RRP1: variants seen among roughly 807,000 people sequenced by gnomAD.
The protein encoded by RRP1 is ribosomal RNA processing protein 1 homolog A.
In RRP1, 37 loss-of-function variants were observed where a neutral mutation model predicts 54.6. The ratio of observed to expected loss-of-function variants is 0.68; its 90% CI spans 0.52 to 0.89. The LOEUF is 0.89. Among genes scored for constraint, RRP1 ranks in the 40% least tolerant of loss-of-function variants. The pLI, the probability that RRP1 is intolerant of heterozygous loss-of-function variation, is 0.00. For synonymous variants in RRP1, 262 were observed against 244.3 expected, an observed-to-expected ratio of 1.07 and a Z score of -0.67; for missense variants, 639 against 612.5, an observed-to-expected ratio of 1.04 and a Z score of -0.46.
intron 4 of RRP1, 70 bp from the exon 5 acceptor site, chr21:43,795,119 A>C: frequency 7.2e-7 from 1 of 1,392,266 alleles, no homozygotes; most frequent in Non-Finnish European, 1.0e-6. Context: ...GGATGGTGGT[A>C]CATGGGGATG....
In RRP1 at chr21:43,795,086, C is replaced by T. The variant is rs374785556; in HGVS notation, c.361-103C>T. ...GTGCTGGGGCCGGCAGAGGTCACCA[C>T]GGCCATGACTTTATCCTGCAGCGGA... On this transcript the variant is annotated intron_variant, in intron 4 of 12. Coordinates refer to ENST00000497547, the MANE Select transcript of RRP1 (RefSeq NM_003683.6). 3,468 of 1,136,662 alleles carry T rather than the reference C, an allele frequency of 3.1e-3. 102 individuals are homozygous for T. The South Asian group carries it at 0.041, about 13-fold the overall frequency. The allele number at this position is 1,136,662 out of a possible 1,614,324, so 70.4% of individuals were successfully genotyped here.
At chr21:43,798,156 T>C in intron 8 of RRP1, 56 bp downstream of exon 8, 7 of 1,462,694 alleles carry the variant, frequency 4.8e-6, no homozygotes, top group Non-Finnish European at 6.4e-6. Context: ...GCTGAGCCAG[T>C]GCGATCTCCT....
chr21:43,797,847 G>C, intron 7 of RRP1, 60 bp from the exon 8 acceptor site: 1 of 1,579,570 alleles, frequency 6.3e-7, no homozygotes, highest in Non-Finnish European at 8.6e-7. Flanking sequence ...GGAGTCGGCG[G>C]CTTCCGCTTG....
chr21:43,801,313 A>G (rs2085087649), intron 11 of RRP1, among the ~76,000 whole-genome samples: 2 of 152,172 alleles, frequency 1.3e-5, no homozygotes, highest in Non-Finnish European at 2.9e-5. Context: ...AAAGTTTCAG[A>G]CCTGCAACTC....
In RRP1 at chr21:43,805,243, T is replaced by G. The variant is rs1414275225; in HGVS notation, c.*1469T>G. On this transcript the variant is annotated 3_prime_UTR_variant, in exon 13 of 13. Coordinates refer to ENST00000497547, the MANE Select transcript of RRP1 (RefSeq NM_003683.6). ...GTGAGCTAAGATCACGCCATTGCACTCCAGCCTGGGCAACGAGAGGGAAAC... is the reference window on the plus strand; with the variant it reads ...GTGAGCTAAGATCACGCCATTGCACGCCAGCCTGGGCAACGAGAGGGAAAC... 1 of 142,088 alleles carries G rather than the reference T, an allele frequency of 7.0e-6. No individual in the cohort carries two copies. Among genetic ancestry groups the G allele is most frequent in the Non-Finnish European group, 1.5e-5 (1 of 66,510 alleles). 8.8% of individuals were successfully genotyped at this position (142,088 alleles called of 1,614,324 possible).
At position 43,803,843 on chromosome 21, in the gene RRP1, G is replaced by A. The variant is rs1465080481; in HGVS notation, c.*69G>A. 4.8e-6 allele frequency: 7 copies of A among 1,471,740 alleles called. No homozygotes were observed. Among genetic ancestry groups the A allele is most frequent in the South Asian group, 1.4e-5 (1 of 71,220 alleles). The allele number at this position is 1,471,740 out of a possible 1,614,324, so 91.2% of individuals were successfully genotyped here. A position where few individuals can be genotyped will look rare whatever the true frequency, so the allele number is the denominator to read the frequency against. On this transcript the variant is annotated 3_prime_UTR_variant, in exon 13 of 13. Coordinates refer to ENST00000497547, the MANE Select transcript of RRP1 (RefSeq NM_003683.6). ...CTTGCACCGCGGGACGAGGCTGACC[G>A]GGCTGTTCTGTAGACTCAGGACCGT...
chr21:43,800,551 A>G lies in RRP1; in HGVS notation c.926A>G (p.Glu309Gly), dbSNP rs1318004786. The stretch of plus-strand genomic sequence containing the variant: ...GAGGCAGTTGCTAACAGACTGTTTG[A>G]AATGGCCAGCCGCCAGAGCACCCCT... ...DYEAVANRLF[E>G]MASRQSTPSQ... Residue 309 changes from glutamate to glycine, a missense_variant, in exon 10 of 13, where the codon GAA (glutamate) becomes GGA (glycine). Transcript: ENST00000497547. 6.2e-7 allele frequency: 1 copy of G among 1,614,248 alleles called. No individual in the cohort carries two copies. Among genetic ancestry groups the G allele is most frequent in the East Asian group, 2.2e-5 (1 of 44,888 alleles).
chr21:43,792,623 G>A (rs763073490), intron 2 of RRP1, 49 bp from the exon 3 acceptor site: 4 of 1,591,204 alleles, frequency 2.5e-6, no homozygotes, highest in Admixed American at 3.3e-5. Context: ...GTCATTGTGA[G>A]AGCCTGGTGC....
chr21:43,800,977 G>C, intron 11 of RRP1, 96 bp downstream of exon 11: 1 of 1,326,686 alleles, frequency 7.5e-7, no homozygotes, highest in Non-Finnish European at 1.1e-6. Context: ...ATAGCACGTG[G>C]AGTCTCTTTG....
intron 1 of RRP1, 191 bp from the exon 2 acceptor site, chr21:43,791,159 G>A (rs897394043): frequency 1.1e-5 from 7 of 655,124 alleles, no homozygotes; most frequent in Admixed American, 2.1e-5. Flanking sequence ...TGGAGTAGCC[G>A]CATAGCCACA....
chr21:43,795,065 T>C, intron 4 of RRP1, 124 bp from the exon 5 acceptor site: 3 of 886,808 alleles, frequency 3.4e-6, no homozygotes, highest in East Asian at 4.9e-5. Context: ...GGCTGTGTGC[T>C]GGGGCCGGCA....
chr21:43,800,449 G>A, intron 9 of RRP1, 68 bp from the exon 10 acceptor site: 1 of 1,473,560 alleles, frequency 6.8e-7, no homozygotes, highest in Non-Finnish European at 9.5e-7. Flanking sequence ...GGTCTCAGGG[G>A]TTCCACGTTC....
chr21:43,791,398 A>G lies in RRP1; in HGVS notation c.182A>G (p.Tyr61Cys). 1 of 1,613,976 alleles carries G rather than the reference A, an allele frequency of 6.2e-7. No homozygotes were observed. The highest frequency in any genetic ancestry group is 8.5e-7 in the Non-Finnish European group (1 of 1,179,960). The change falls in exon 2 of 13, where the codon TAT becomes TGT. Residue 61 changes from tyrosine (Y) to cysteine (C), a missense_variant. Physicochemically the swap from Tyr to Cys is radical, Grantham distance 194 (BLOSUM62 -2). Coordinates refer to ENST00000497547, the MANE Select transcript of RRP1 (RefSeq NM_003683.6). ...ELLKVWKGLFYCMWMQDKPLL... is the reference protein window; with the variant it reads ...ELLKVWKGLFCCMWMQDKPLL... Reference sequence around the variant, plus strand: ...CTGAAGGTGTGGAAAGGACTGTTTTATTGCATGTGGATGCAGGACAAGCCA... The same window carrying G: ...CTGAAGGTGTGGAAAGGACTGTTTTGTTGCATGTGGATGCAGGACAAGCCA...
In RRP1 at chr21:43,789,671, T is replaced by C; in HGVS notation, c.42T>C (p.Ala14=). 4 of 1,576,330 alleles carry C rather than the reference T, an allele frequency of 2.5e-6. No homozygotes were observed. The highest frequency in any genetic ancestry group is 2.4e-5 in the East Asian group (1 of 42,002). The change falls in exon 1 of 13, where the codon GCT becomes GCC. Residue 14 remains alanine (A), a synonymous_variant. Transcript: ENST00000497547. ...RVQLPPEIQL[A]QRLAGNEQVT... ...AGCTCCCGCCTGAGATCCAGCTGGCTCAGCGCCTGGCGGGGAATGAGCAGG... is the reference window on the plus strand; with the variant it reads ...AGCTCCCGCCTGAGATCCAGCTGGCCCAGCGCCTGGCGGGGAATGAGCAGG...
intron 12 of RRP1, among the ~76,000 whole-genome samples, chr21:43,803,006 C>T (rs983586755): frequency 6.6e-6 from 1 of 152,226 alleles, no homozygotes; most frequent in Non-Finnish European, 1.5e-5. Context: ...TGGCTTTGCC[C>T]CACACTGGGA....
intron 5 of RRP1, among the ~76,000 whole-genome samples, chr21:43,795,757 GC>G (rs2085012918): frequency 6.6e-6 from 1 of 152,114 alleles, no homozygotes; most frequent in Non-Finnish European, 1.5e-5. Flanking sequence ...CTGTCCTGTT[GC>G]CCAGGCTTGT....
chr21:43,793,451 C>T lies in RRP1; in HGVS notation c.360+47C>T, dbSNP rs760127612. 164 of 1,530,824 alleles carry T rather than the reference C, an allele frequency of 1.1e-4. No homozygotes were observed. The South Asian group carries it at 1.7e-3, about 16-fold the overall frequency. The allele number at this position is 1,530,824 out of a possible 1,614,324, so 94.8% of individuals were successfully genotyped here. A position where few individuals can be genotyped will look rare whatever the true frequency, so the allele number is the denominator to read the frequency against. ...CGGCGGGCGGGGGCAGCGCGGGTCT[C>T]AGTGCCTGGCCAAGCGAGACAGGCG... is the stretch of plus-strand genomic sequence containing the variant. On this transcript the variant is annotated intron_variant, in intron 4 of 12. Coordinates refer to ENST00000497547, the MANE Select transcript of RRP1 (RefSeq NM_003683.6).
At chr21:43,799,461 TGTGCCC>T in intron 8 of RRP1, 103 bp from the exon 9 acceptor site, 3 of 1,162,194 alleles carry the variant, frequency 2.6e-6, no homozygotes, top group Non-Finnish European at 3.8e-6. Flanking sequence ...GTTTCCCGCC[TGTGCCC>T]GTGCTCCGAC....
At chr21:43,795,732 TGGTAGA>T (rs1393323141) in intron 5 of RRP1, among the ~76,000 whole-genome samples, 2 of 152,230 alleles carry the variant, frequency 1.3e-5, no homozygotes, top group Admixed American at 1.3e-4. Context: ...TATCTTTTTT[TGGTAGA>T]GACGAGTTCT....
Sources: allele counts gnomAD v4.1 joint callset (sites outside exome capture counted in the v4.1 genomes callset), GRCh38; gene constraint gnomAD v4.1.1; transcripts MANE v1.5; gene names NCBI Gene and HGNC (gene_info 2026-07-23, HGNC 2026-07-21).